Variants in AGBL4 observed in about 807,000 individuals in gnomAD.
The protein encoded by AGBL4 is AGBL carboxypeptidase 4.
AGBL4 carries 58 observed loss-of-function variants against 66.4 expected under a neutral mutation model. The ratio of observed to expected loss-of-function variants is 0.87; its 90% CI spans 0.71 to 1.09. The LOEUF (loss-of-function observed/expected upper bound fraction) is 1.09. AGBL4 is among the 50% of genes least tolerant of loss of function. The pLI, the probability that AGBL4 is intolerant of heterozygous loss-of-function variation, is 0.00. For missense variants in AGBL4, 579 were observed against 631.0 expected (o/e 0.92, Z 0.88); for synonymous variants, 234 against 222.9 (o/e 1.05, Z -0.44).
intron 1 of AGBL4, among the ~76,000 whole-genome samples, chr1:49,997,487 C>T (rs1660453573): frequency 6.6e-6 from 1 of 152,074 alleles, no homozygotes; most frequent in South Asian, 2.1e-4. Context: ...AATGAAAAGA[C>T]TATTGTAATG....
At chr1:49,114,484 C>G (rs1355472810) in intron 4 of AGBL4, among the ~76,000 whole-genome samples, 1 of 152,148 alleles carries the variant, frequency 6.6e-6, no homozygotes, top group Admixed American at 6.5e-5. Context: ...GTTTTGCTTT[C>G]TTATGATTTG....
rs183033087 is a variant in AGBL4 at position 49,193,135 on chromosome 1, A to G, written c.377+52635T>C. 2.6e-5 allele frequency among the ~76,000 whole-genome samples: 4 copies of G among 151,970 alleles called. No homozygotes were observed. The East Asian group carries it at 7.7e-4, about 29-fold the overall frequency. ...GGTTAGTGTAGCTAGCAGTTTATCA[A>G]TTTTAACTTTTTAAAGAACCAGTTT... On this transcript the variant is annotated intron_variant, in intron 4 of 13. Coordinates refer to ENST00000371839, the MANE Select transcript of AGBL4 (RefSeq NM_032785.4).
intron 6 of AGBL4, among the ~76,000 whole-genome samples, chr1:48,861,799 T>C (rs1409832786): frequency 6.6e-6 from 1 of 152,116 alleles, no homozygotes; most frequent in Non-Finnish European, 1.5e-5. Context: ...CAGCAGGGAG[T>C]AGCCAGAATG....
At chr1:49,313,118 T>C (rs934415383) in intron 3 of AGBL4, among the ~76,000 whole-genome samples, 1 of 151,938 alleles carries the variant, frequency 6.6e-6, no homozygotes, top group African/African-American at 2.4e-5. Flanking sequence ...AGTGAGAACA[T>C]GCGGTGTTTG....
intron 3 of AGBL4, among the ~76,000 whole-genome samples, chr1:49,570,496 G>C (rs1421982135): frequency 6.6e-6 from 1 of 151,996 alleles, no homozygotes; most frequent in Non-Finnish European, 1.5e-5. Flanking sequence ...TTAATCCTCT[G>C]TTAGATGCAT....
At chr1:49,920,835 C>T (rs891438595) in intron 1 of AGBL4, among the ~76,000 whole-genome samples, 4 of 152,098 alleles carry the variant, frequency 2.6e-5, no homozygotes, top group Admixed American at 6.5e-5. Context: ...AGACTTGGAA[C>T]GAATCCACTG....
chr1:49,438,914 C>G lies in AGBL4; in HGVS notation c.283-193050G>C, dbSNP rs192116530. The stretch of plus-strand genomic sequence containing the variant: ...CCAGCATCTTGTAAGGGCATTCTTG[C>G]TGCATCATCACACAGTAGAAGGTGA... On this transcript the variant is annotated intron_variant, in intron 3 of 13. Transcript: ENST00000371839. Among the ~76,000 whole-genome samples the G allele has an allele frequency of 2.3e-4, 35 of 152,302 alleles. 1 individual carries two copies. The East Asian group carries it at 4.6e-3, about 20-fold the overall frequency.
chr1:49,911,866 G>T (rs1650869353), intron 1 of AGBL4, among the ~76,000 whole-genome samples: 1 of 152,322 alleles, frequency 6.6e-6, no homozygotes, highest in Admixed American at 6.5e-5. Flanking sequence ...TCTTGGCAGT[G>T]AATCTTAAAG....
intron 3 of AGBL4, among the ~76,000 whole-genome samples, chr1:49,518,931 T>G (rs1650046381): frequency 6.6e-6 from 1 of 152,086 alleles, no homozygotes; most frequent in Admixed American, 6.6e-5. Context: ...AAGTAGACAT[T>G]TCTGAACTGT....
At chr1:48,754,140 A>G (rs1032041011) in intron 6 of AGBL4, among the ~76,000 whole-genome samples, 2 of 152,232 alleles carry the variant, frequency 1.3e-5, no homozygotes, top group African/African-American at 4.8e-5. Context: ...AGTGTAACAA[A>G]CTGGGGAGGA....
intron 3 of AGBL4, among the ~76,000 whole-genome samples, chr1:49,299,530 C>T (rs1325633060): frequency 6.6e-6 from 1 of 152,158 alleles, no homozygotes; most frequent in African/African-American, 2.4e-5. Context: ...AAATTAGTTA[C>T]AATTGATATT....
intron 2 of AGBL4, among the ~76,000 whole-genome samples, chr1:49,847,305 T>C (rs1286633422): frequency 6.6e-6 from 1 of 152,082 alleles, no homozygotes; most frequent in Non-Finnish European, 1.5e-5. Context: ...ACTATAAAAA[T>C]ACTATAAGAA....
intron 4 of AGBL4, among the ~76,000 whole-genome samples, chr1:49,107,652 T>C (rs1211966955): frequency 6.6e-6 from 1 of 151,128 alleles, no homozygotes; most frequent in Non-Finnish European, 1.5e-5. Context: ...TATATGCCTG[T>C]GGGCATGTAT....
intron 2 of AGBL4, among the ~76,000 whole-genome samples, chr1:49,702,997 A>G (rs1194932461): frequency 6.6e-6 from 1 of 152,182 alleles, no homozygotes; most frequent in Non-Finnish European, 1.5e-5. Flanking sequence ...TAATGGTGAA[A>G]GACTGAACAT....
rs533615981 is a variant in AGBL4, at chr1:49,474,701, A to G, written c.282+222612T>C. ...AATAGCTCTAGGGATATTTGGCAGA[A>G]TCTTCAGGGTTTTATAGGTATAAAA... On this transcript the variant is annotated intron_variant, in intron 3 of 13. Transcript: ENST00000371839. Among the ~76,000 whole-genome samples, 4 of 152,120 alleles carry G rather than the reference A, an allele frequency of 2.6e-5. No homozygotes were observed. In the South Asian group the frequency reaches 8.3e-4, roughly 32 times the overall value.
intron 5 of AGBL4, among the ~76,000 whole-genome samples, chr1:49,010,035 T>C (rs12738914): frequency 9.2e-5 from 14 of 152,232 alleles, no homozygotes; most frequent in Non-Finnish European, 1.3e-4. Context: ...CCAGGGCAAT[T>C]AGGCAGGAGA....
At chr1:48,588,835 GA>G (rs1161027441) in intron 10 of AGBL4, among the ~76,000 whole-genome samples, 20 of 151,104 alleles carry the variant, frequency 1.3e-4, no homozygotes, top group African/African-American at 4.1e-4. Context: ...GAGAAGAGAA[GA>G]GAAGAGAAGA....
intron 4 of AGBL4, among the ~76,000 whole-genome samples, chr1:49,196,574 T>C (rs1188411025): frequency 6.6e-6 from 1 of 152,116 alleles, no homozygotes; most frequent in Non-Finnish European, 1.5e-5. Context: ...TAATACCTTG[T>C]TTTTTCATAC....
intron 3 of AGBL4, among the ~76,000 whole-genome samples, chr1:49,660,089 A>G (rs1646237712): frequency 6.6e-6 from 1 of 152,172 alleles, no homozygotes; most frequent in African/African-American, 2.4e-5. Context: ...ACAAAAGCAA[A>G]AAAATGATGA....
Sources: allele counts gnomAD v4.1 joint callset (sites outside exome capture counted in the v4.1 genomes callset), GRCh38; gene constraint gnomAD v4.1.1; transcripts MANE v1.5; gene names NCBI Gene and HGNC (gene_info 2026-07-23, HGNC 2026-07-21).